The following SGK1 variants were observed in gnomAD, a reference collection of about 807,000 sequenced individuals.
SGK1 encodes the protein serum/glucocorticoid regulated kinase 1, also known as serine/threonine-protein kinase Sgk1.
Under a neutral mutation model 64.2 loss-of-function variants are expected in SGK1, and 26 were observed. The ratio of observed to expected loss-of-function variants is 0.40; its 90% CI spans 0.30 to 0.56. The LOEUF (loss-of-function observed/expected upper bound fraction) is 0.56, where lower values mean the gene tolerates loss of function less well. SGK1 is among the 20% of genes least tolerant of loss of function. SGK1 has a pLI of 0.38. For synonymous variants in SGK1, 265 were observed against 239.7 expected, an observed-to-expected ratio of 1.11 and a Z score of -0.98; for missense variants, 519 against 645.6, an observed-to-expected ratio of 0.80 and a Z score of 2.12.
intron 2 of SGK1, among the ~76,000 whole-genome samples, chr6:134,242,429 C>T (rs1471236625): frequency 2.6e-5 from 4 of 151,404 alleles, no homozygotes; most frequent in Admixed American, 6.6e-5. Context: ...GAGGTTGCAG[C>T]GAGCTGAGAT....
intron 3 of SGK1, among the ~76,000 whole-genome samples, chr6:134,204,264 A>ATAAATAAT (rs1554220508): frequency 2.3e-4 from 30 of 127,696 alleles, no homozygotes; most frequent in African/African-American, 7.9e-4. Flanking sequence ...AAATAAATAA[A>ATAAATAAT]TAATTACTCT....
intron 3 of SGK1, chr6:134,175,751 A>G (rs1775216514): frequency 3.7e-6 from 5 of 1,353,134 alleles, no homozygotes; most frequent in African/African-American, 3.1e-5. Flanking sequence ...CAGGCCGGGC[A>G]AGATTTCCTG....
intron 2 of SGK1, among the ~76,000 whole-genome samples, chr6:134,251,998 C>G (rs184087970): frequency 1.4e-3 from 217 of 152,272 alleles, no homozygotes; most frequent in African/African-American, 5.0e-3. Context: ...CTCAAGCGAT[C>G]CTCCCACCTC....
chr6:134,273,571 C>T (rs7773807), intron 1 of SGK1, among the ~76,000 whole-genome samples: 34 of 99,364 alleles, frequency 3.4e-4, no homozygotes, highest in African/African-American at 1.3e-3. Context: ...CCAGCCTGGG[C>T]GACAGAGCGA....
intron 2 of SGK1, among the ~76,000 whole-genome samples, chr6:134,253,401 T>G (rs558319862): frequency 6.6e-6 from 1 of 151,924 alleles, no homozygotes; most frequent in Admixed American, 6.6e-5. Flanking sequence ...CCCTGAGAGC[T>G]GGGATTACAG....
At chr6:134,172,607 A>C (rs1775065708) in intron 9 of SGK1, 55 bp downstream of exon 9, 2 of 1,143,454 alleles carry the variant, frequency 1.7e-6, no homozygotes, top group African/African-American at 3.1e-5. Flanking sequence ...TGAAACAGCC[A>C]GTGCTACGTC....
At position 134,264,651 on chromosome 6, in the gene SGK1, T is replaced by G. The variant is rs1316271796; in HGVS notation, c.70-2503A>C. ...CAATTATTATTATTATTATTTTTGTTGTTGTTGTTGTTAAAGGGTCTTGTT... is the reference window on the plus strand; with the variant it reads ...CAATTATTATTATTATTATTTTTGTGGTTGTTGTTGTTAAAGGGTCTTGTT... On this transcript the variant is annotated intron_variant, in intron 1 of 13. Transcript: ENST00000367858. Among the ~76,000 whole-genome samples the G allele has an allele frequency of 4.3e-5, 6 of 139,050 alleles. No homozygotes were observed. The Admixed American group carries it at 4.4e-4, about 10-fold the overall frequency. The allele number at this position is 139,050 out of a possible 152,430, so 91.2% of individuals were successfully genotyped here.
At chr6:134,179,702 C>T (rs1349579443) in intron 3 of SGK1, among the ~76,000 whole-genome samples, 1 of 152,020 alleles carries the variant, frequency 6.6e-6, no homozygotes, top group Non-Finnish European at 1.5e-5. Context: ...AGAACACTAT[C>T]TCTAATCATA....
At chr6:134,261,550 T>C in intron 2 of SGK1, 1 of 433,950 alleles carries the variant, frequency 2.3e-6, no homozygotes. Flanking sequence ...AACTGTATGA[T>C]ACTGTAATGG....
At chr6:134,179,215 TC>T (rs570644648) in intron 3 of SGK1, among the ~76,000 whole-genome samples, 189 of 152,308 alleles carry the variant, frequency 1.2e-3, no homozygotes, top group Non-Finnish European at 1.9e-3. Context: ...TTGTCATGAT[TC>T]CCCGGGTATG....
intron 8 of SGK1, 54 bp from the exon 9 acceptor site, chr6:134,172,828 T>G (rs751886544): frequency 1.5e-6 from 2 of 1,362,462 alleles, no homozygotes; most frequent in Non-Finnish European, 2.1e-6. Flanking sequence ...TAATTAGTTT[T>G]GACATACACA....
rs1554225923 is a variant in SGK1, at chr6:134,265,619, C to CATAT, written c.70-3475_70-3472dup. Among the ~76,000 whole-genome samples, 7 of 129,852 alleles carry CATAT rather than the reference C, an allele frequency of 5.4e-5. No individual in the cohort carries two copies. The East Asian group carries it at 8.9e-4, about 17-fold the overall frequency. The allele number at this position is 129,852 out of a possible 152,430, so 85.2% of individuals were successfully genotyped here. ...TATACATATATATTTTATATATATACATATATATATATACATATATATATA... is the reference window on the plus strand; with the variant it reads ...TATACATATATATTTTATATATATACATATATATATATATATACATATATATATA... On this transcript the variant is annotated intron_variant, in intron 1 of 13. Coordinates refer to ENST00000367858, the MANE Select transcript of SGK1 (RefSeq NM_001143676.3).
chr6:134,308,566 C>CT (rs1777567847), intron 1 of SGK1, among the ~76,000 whole-genome samples: 2 of 151,800 alleles, frequency 1.3e-5, no homozygotes, highest in Non-Finnish European at 1.5e-5. Flanking sequence ...TGTTTCTTCT[C>CT]TTTTTTTTGA....
chr6:134,187,204 C>T (rs1775439195), intron 3 of SGK1, among the ~76,000 whole-genome samples: 1 of 152,132 alleles, frequency 6.6e-6, no homozygotes, highest in Admixed American at 6.5e-5. Context: ...CATCATAACT[C>T]CCTTCTTAGC....
In SGK1 at chr6:134,170,808, A is replaced by C. The variant is rs1429723425; in HGVS notation, c.1413+18T>G. ...CCCTTTGGGCTTCTCTATACTTAGAAGAGAGACAGATACTCACCACATTTG... is the reference window on the plus strand; with the variant it reads ...CCCTTTGGGCTTCTCTATACTTAGACGAGAGACAGATACTCACCACATTTG... On this transcript the variant is annotated intron_variant, in intron 13 of 13. Transcript: ENST00000367858. 6.7e-7 allele frequency: 1 copy of C among 1,503,104 alleles called. No homozygotes were observed. Among genetic ancestry groups the C allele is most frequent in the Non-Finnish European group, 9.2e-7 (1 of 1,081,156 alleles). The allele number at this position is 1,503,104 out of a possible 1,614,324, so 93.1% of individuals were successfully genotyped here. A position where few individuals can be genotyped will look rare whatever the true frequency, so the allele number is the denominator to read the frequency against.
intron 2 of SGK1, among the ~76,000 whole-genome samples, chr6:134,256,643 C>T (rs565479470): frequency 6.6e-6 from 1 of 152,228 alleles, no homozygotes; most frequent in East Asian, 1.9e-4. Context: ...CTCTTTGTGG[C>T]CTATAAGTTA....
Position 134,235,540 on chromosome 6 carries a change from TTTTTATTTATTTATTTATTTATTTA to T in SGK1, c.285+26368_285+26392del, listed in dbSNP as rs1386474725. On this transcript the variant is annotated intron_variant, in intron 2 of 13. Transcript: ENST00000367858. Reference sequence around the variant, plus strand: ...AAGGAGGAAGTGGAAAAAATAGATATTTTTATTTATTTATTTATTTATTTATTTATTTATTTATTTATTTATTTTT... The same window carrying T: ...AAGGAGGAAGTGGAAAAAATAGATATTTTATTTATTTATTTATTTATTTTT... Among the ~76,000 whole-genome samples the T allele has an allele frequency of 1.1e-3, 81 of 76,492 alleles. No homozygotes were observed. The Middle Eastern group carries it at 0.02, about 19-fold the overall frequency. 50.2% of individuals were successfully genotyped at this position (76,492 alleles called of 152,430 possible). A position where few individuals can be genotyped will look rare whatever the true frequency, so the allele number is the denominator to read the frequency against.
intron 2 of SGK1, among the ~76,000 whole-genome samples, chr6:134,235,924 G>A (rs781030612): frequency 7.9e-5 from 12 of 151,980 alleles, no homozygotes; most frequent in Non-Finnish European, 1.5e-4. Context: ...TGTGAACAAG[G>A]TATTTCTAAT....
chr6:134,216,689 C>T (rs1047133885), intron 2 of SGK1, among the ~76,000 whole-genome samples: 1 of 152,180 alleles, frequency 6.6e-6, no homozygotes, highest in African/African-American at 2.4e-5. Flanking sequence ...TATCATGTAC[C>T]TCTAAATGTG....
Sources: gnomAD v4.1 joint callset for allele counts (sites outside exome capture counted in the v4.1 genomes callset) on GRCh38, gnomAD v4.1.1 for gene constraint, MANE v1.5 for transcripts, NCBI Gene and HGNC (gene_info 2026-07-23, HGNC 2026-07-21) for gene names.